The following DMBX1 variants were observed in gnomAD, a reference collection of about 807,000 sequenced individuals.
The protein encoded by DMBX1 is diencephalon/mesencephalon homeobox protein 1.
In DMBX1, 7 loss-of-function variants were observed where a neutral mutation model predicts 30.4. The observed-to-expected ratio is 0.23, with a 90% CI of 0.13 to 0.43. The LOEUF is 0.43. DMBX1 is among the 20% of genes least tolerant of loss of function. The pLI, the probability that DMBX1 is intolerant of heterozygous loss-of-function variation, is 1.00. For synonymous variants in DMBX1, 222 were observed against 214.2 expected, an observed-to-expected ratio of 1.04 and a Z score of -0.32; for missense variants, 460 against 508.5, an observed-to-expected ratio of 0.90 and a Z score of 0.92.
At chr1:46,494,003 C>G (rs577319183) in intron 2 of DMBX1, among the ~76,000 whole-genome samples, 3 of 152,356 alleles carry the variant, frequency 2.0e-5, no homozygotes, top group African/African-American at 7.2e-5. Flanking sequence ...GCAGGGCCAC[C>G]ACTTCTGTAC....
chr1:46,493,243 G>T lies in DMBX1; in HGVS notation c.-13+2460G>T, dbSNP rs1156825193. Among the ~76,000 whole-genome samples the T allele has an allele frequency of 6.6e-6, 1 of 152,192 alleles. No homozygotes were observed. The highest frequency in any genetic ancestry group is 2.4e-5 in the African/African-American group (1 of 41,440). On this transcript the variant is annotated intron_variant, in intron 2 of 5. Transcript: ENST00000360032. This position sits in a 1 kb window ranked among gnomAD's most constrained non-coding sequence, Gnocchi z 4.1. ...ACCGAACGAGTAGGGAGGGGCGCTG[G>T]GGTGGGTTGGTGAGCTTTCGGCAGG...
intron 2 of DMBX1, among the ~76,000 whole-genome samples, chr1:46,502,282 C>G (rs1279441937): frequency 6.6e-6 from 1 of 152,152 alleles, no homozygotes. Context: ...CTCAGATCTG[C>G]TTCTCCAACT....
Position 46,513,726 on chromosome 1 carries a change from G to C in DMBX1, c.*1232G>C, listed in dbSNP as rs1422046618. On this transcript the variant is annotated 3_prime_UTR_variant, in exon 6 of 6. Coordinates refer to ENST00000360032, the MANE Select transcript of DMBX1 (RefSeq NM_172225.2). ...CAGATACTGTCCAAGGCAGGGGTACGGCTGACCAGGAATGAAGGTTGAACT... is the reference window on the plus strand; with the variant it reads ...CAGATACTGTCCAAGGCAGGGGTACCGCTGACCAGGAATGAAGGTTGAACT... 1 of 152,292 alleles carries C rather than the reference G, an allele frequency of 6.6e-6. No homozygotes were observed. The highest frequency in any genetic ancestry group is 1.5e-5 in the Non-Finnish European group (1 of 68,104). 9.4% of individuals were successfully genotyped at this position (152,292 alleles called of 1,614,324 possible). A position where few individuals can be genotyped will look rare whatever the true frequency, so the allele number is the denominator to read the frequency against.
rs573920919 is a variant in DMBX1 at position 46,507,078 on chromosome 1, T to C, written c.68T>C (p.Leu23Pro). Residue 23 changes from leucine to proline, a missense_variant, in exon 3 of 6, where the codon CTG becomes CCG. Physicochemically the swap from Leu to Pro is moderately conservative, Grantham distance 98. Transcript: ENST00000360032. ...AMNSLSAMYN[L>P]HQQAAQQAQH... ...AACTCACTCAGCGCCATGTACAACC[T>C]GCACCAGCAGGCAGCCCAGCAGGCC... 79 of 1,614,232 alleles carry C rather than the reference T, an allele frequency of 4.9e-5. 2 individuals carry two copies. In the South Asian group the frequency reaches 7.9e-4, roughly 16 times the overall value.
intron 3 of DMBX1, 75 bp downstream of exon 3, chr1:46,507,239 G>A (rs1666256525): frequency 1.9e-6 from 3 of 1,565,940 alleles, no homozygotes; most frequent in Non-Finnish European, 1.7e-6. Context: ...AGGCAAAGAG[G>A]AGAGGGAGCA....
chr1:46,497,270 T>C (rs544368497), intron 2 of DMBX1, among the ~76,000 whole-genome samples: 63 of 152,308 alleles, frequency 4.1e-4, no homozygotes, highest in African/African-American at 1.5e-3. Flanking sequence ...AAGGGTTGTG[T>C]TGAAGTTTAT....
chr1:46,494,664 C>T (rs2148481218), intron 2 of DMBX1, among the ~76,000 whole-genome samples: 1 of 152,252 alleles, frequency 6.6e-6, no homozygotes, highest in African/African-American at 2.4e-5. Flanking sequence ...TGAGAATCTC[C>T]TTTGAGGAAT....
chr1:46,500,437 A>G (rs1243916938), intron 2 of DMBX1, among the ~76,000 whole-genome samples: 1 of 152,042 alleles, frequency 6.6e-6, no homozygotes, highest in East Asian at 1.9e-4. Flanking sequence ...GGGATGGATG[A>G]AATTGCTTCT....
intron 2 of DMBX1, among the ~76,000 whole-genome samples, chr1:46,495,442 C>T (rs1362023730): frequency 6.6e-6 from 1 of 152,136 alleles, no homozygotes; most frequent in Non-Finnish European, 1.5e-5. Flanking sequence ...TAGCTTTGGA[C>T]AAGTGATTTT....
In DMBX1 at chr1:46,515,032, A is replaced by G. The variant is rs1666464372; in HGVS notation, c.*2538A>G. On this transcript the variant is annotated 3_prime_UTR_variant, in exon 6 of 6. Transcript: ENST00000360032. ...AAGACCACACCTACATGTGGCAAGC[A>G]CCAAGACAGGCATTTGAGGGTTTCC... Among the ~76,000 whole-genome samples the G allele has an allele frequency of 6.6e-6, 1 of 152,068 alleles. No individual in the cohort carries two copies. The highest frequency in any genetic ancestry group is 1.9e-4 in the East Asian group (1 of 5,172).
intron 2 of DMBX1, among the ~76,000 whole-genome samples, chr1:46,497,599 A>G (rs1268218574): frequency 6.6e-6 from 1 of 152,206 alleles, no homozygotes; most frequent in African/African-American, 2.4e-5. Context: ...ACCCAAGGAA[A>G]GGTCCACTTT....
chr1:46,511,509 T>G (rs1171163561), intron 5 of DMBX1, among the ~76,000 whole-genome samples: 2 of 152,136 alleles, frequency 1.3e-5, no homozygotes, highest in African/African-American at 4.8e-5. Context: ...CTGCGGGAGC[T>G]CGGGGCAAAA....
chr1:46,500,629 T>C (rs1328827669), intron 2 of DMBX1, among the ~76,000 whole-genome samples: 2 of 147,970 alleles, frequency 1.4e-5, no homozygotes, highest in East Asian at 2.0e-4. Flanking sequence ...CTCCCAGAGA[T>C]AACCTCTGTT....
At chr1:46,499,685 G>T (rs1273209291) in intron 2 of DMBX1, among the ~76,000 whole-genome samples, 2 of 152,174 alleles carry the variant, frequency 1.3e-5, no homozygotes, top group African/African-American at 4.8e-5. Context: ...TCCTAATCCT[G>T]CTTCTGCGCT....
Position 46,493,402 on chromosome 1 carries a change from G to A in DMBX1, c.-13+2619G>A, listed in dbSNP as rs1665968250. On this transcript the variant is annotated intron_variant, in intron 2 of 5. Transcript: ENST00000360032. The surrounding 1 kb of genome is among the most constrained non-coding windows in gnomAD (Gnocchi z 4.1). ...CAATGTCCAGCCCTCCCGCCGTTCA[G>A]TGGCCTCTCTTTCTATTTAGTCACC... 6.6e-6 allele frequency among the ~76,000 whole-genome samples: 1 copy of A among 152,226 alleles called. No homozygotes were observed. The highest frequency in any genetic ancestry group is 1.5e-5 in the Non-Finnish European group (1 of 68,052).
chr1:46,501,022 G>GCT (rs1428724533), intron 2 of DMBX1, among the ~76,000 whole-genome samples: 1 of 152,100 alleles, frequency 6.6e-6, no homozygotes, highest in Non-Finnish European at 1.5e-5. Flanking sequence ...GGAATAAATA[G>GCT]CTCTTCTGCC....
At chr1:46,502,359 C>CT (rs11447451) in intron 2 of DMBX1, among the ~76,000 whole-genome samples, 30,450 of 149,220 alleles carry the variant, frequency 0.2, 3,078 homozygotes, top group South Asian at 0.27. Context: ...CTGAGTTATC[C>CT]TTTTTTTTTT....
chr1:46,500,923 C>T (rs1569885700), intron 2 of DMBX1, among the ~76,000 whole-genome samples: 1 of 152,276 alleles, frequency 6.6e-6, no homozygotes, highest in Admixed American at 6.5e-5. Flanking sequence ...TATTCGCATA[C>T]ACATATCTCT....
Position 46,511,122 on chromosome 1 carries a change from T to C in DMBX1, c.521T>C (p.Leu174Pro). ...CCTGGCAGCGACCCCCCTGCTGAGC[T>C]TCACCTGAGTCTGTCTGAGCAGTCA... is the stretch of plus-strand genomic sequence containing the variant. ...RLPGSDPPAE[L>P]HLSLSEQSAS... Residue 174 changes from leucine (L) to proline (P), a missense_variant, in exon 5 of 6, where the codon CTT becomes CCT. Transcript: ENST00000360032. The C allele has an allele frequency of 6.2e-7, 1 of 1,614,036 alleles. No homozygotes were observed. Among genetic ancestry groups the C allele is most frequent in the Non-Finnish European group, 8.5e-7 (1 of 1,180,014 alleles).
Sources: allele counts gnomAD v4.1 joint callset (sites outside exome capture counted in the v4.1 genomes callset), GRCh38; gene constraint gnomAD v4.1.1; non-coding constraint Gnocchi (gnomAD v3.1); transcripts MANE v1.5; gene names NCBI Gene and HGNC (gene_info 2026-07-23, HGNC 2026-07-21).